ZFAND3: variants seen among roughly 807,000 people sequenced by gnomAD.
The protein encoded by ZFAND3 is AN1-type zinc finger protein 3.
Under a neutral mutation model 29.6 loss-of-function variants are expected in ZFAND3, and 10 were observed. The ratio of observed to expected loss-of-function variants is 0.34; its 90% CI spans 0.21 to 0.57. The LOEUF (loss-of-function observed/expected upper bound fraction) is 0.57, where lower values mean the gene tolerates loss of function less well. ZFAND3 is among the 20% of genes least tolerant of loss of function. ZFAND3 has a pLI of 0.86. For synonymous variants in ZFAND3, 128 were observed against 112.6 expected, an observed-to-expected ratio of 1.14 and a Z score of -0.87; for missense variants, 230 against 304.5, an observed-to-expected ratio of 0.76 and a Z score of 1.82.
At chr6:38,109,900 C>G (rs1010500923) in intron 4 of ZFAND3, among the ~76,000 whole-genome samples, 2 of 152,044 alleles carry the variant, frequency 1.3e-5, no homozygotes, top group Non-Finnish European at 2.9e-5. Context: ...ATTTCTGATG[C>G]CGTATGTTTT....
intron 4 of ZFAND3, among the ~76,000 whole-genome samples, chr6:38,087,266 G>A (rs1764775496): frequency 6.6e-6 from 1 of 152,134 alleles, no homozygotes; most frequent in Admixed American, 6.5e-5. Context: ...AAATATCCAG[G>A]ACATTGGTCT....
At chr6:37,839,654 A>G (rs904009626) in intron 1 of ZFAND3, among the ~76,000 whole-genome samples, 1 of 151,682 alleles carries the variant, frequency 6.6e-6, no homozygotes, top group Non-Finnish European at 1.5e-5. Flanking sequence ...AGCTGGGACT[A>G]CAGGCGTGTG....
intron 2 of ZFAND3, among the ~76,000 whole-genome samples, chr6:38,056,490 GA>G (rs993981379): frequency 1.3e-5 from 2 of 152,186 alleles, no homozygotes; most frequent in African/African-American, 4.8e-5. Flanking sequence ...TTGTACATCT[GA>G]AAGATAAACA....
At chr6:38,108,011 G>A (rs1437241117) in intron 4 of ZFAND3, among the ~76,000 whole-genome samples, 1 of 151,884 alleles carries the variant, frequency 6.6e-6, no homozygotes, top group Non-Finnish European at 1.5e-5. Context: ...AAGAGATTTA[G>A]ACATAAGAGC....
chr6:37,968,309 T>C (rs530161823), intron 2 of ZFAND3, among the ~76,000 whole-genome samples: 43 of 151,762 alleles, frequency 2.8e-4, no homozygotes, highest in Admixed American at 3.9e-4. Context: ...TTTATTGAAA[T>C]TATTAATTGG....
intron 1 of ZFAND3, chr6:37,915,602 A>G (rs1761232971): frequency 6.6e-6 from 1 of 152,190 alleles, no homozygotes; most frequent in South Asian, 2.1e-4. Context: ...ATCAGAACAC[A>G]CATAACATTT....
In ZFAND3 at chr6:37,819,889, C is replaced by T. The variant is rs1763626567; in HGVS notation, c.-57C>T. ...CCGCCACCGCCTCCTCAGAGCGGGGCCCGGGCCCAGCCGCCGCCACCGCTG... is the reference window on the plus strand; with the variant it reads ...CCGCCACCGCCTCCTCAGAGCGGGGTCCGGGCCCAGCCGCCGCCACCGCTG... On this transcript the variant is annotated 5_prime_UTR_variant, in exon 1 of 6. Coordinates refer to ENST00000287218, the MANE Select transcript of ZFAND3 (RefSeq NM_021943.3). The T allele has an allele frequency of 7.1e-6, 8 of 1,133,874 alleles. No homozygotes were observed. The highest frequency in any genetic ancestry group is 8.3e-5 in the South Asian group (2 of 24,162). The allele number at this position is 1,133,874 out of a possible 1,614,324, so 70.2% of individuals were successfully genotyped here.
At chr6:38,056,087 C>T (rs1427936996) in intron 2 of ZFAND3, among the ~76,000 whole-genome samples, 5 of 152,146 alleles carry the variant, frequency 3.3e-5, no homozygotes, top group African/African-American at 1.2e-4. Context: ...TAAAAATGTA[C>T]GTCCTCTCTT....
chr6:37,872,838 C>A (rs183540137), intron 1 of ZFAND3, among the ~76,000 whole-genome samples: 125 of 152,342 alleles, frequency 8.2e-4, no homozygotes, highest in African/African-American at 2.8e-3. Flanking sequence ...CTTAAACATT[C>A]TTTTACGTGT....
chr6:37,974,445 TTC>T, intron 2 of ZFAND3, among the ~76,000 whole-genome samples: 1 of 148,320 alleles, frequency 6.7e-6, no homozygotes. Flanking sequence ...AGCTGTGTTG[TTC>T]AGGCTGGAGG....
Position 37,821,673 on chromosome 6 carries a change from A to G in ZFAND3, c.71+1657A>G, listed in dbSNP as rs1763669699. On this transcript the variant is annotated intron_variant, in intron 1 of 5. Transcript: ENST00000287218. ...TAACTCATTGTAAGACATATGTCCTAAAGAAAGTCGCTGCCAGTGGCAGCT... is the reference window on the plus strand; with the variant it reads ...TAACTCATTGTAAGACATATGTCCTGAAGAAAGTCGCTGCCAGTGGCAGCT... 1.3e-5 allele frequency among the ~76,000 whole-genome samples: 2 copies of G among 152,312 alleles called. 1 individual carries two copies. Among genetic ancestry groups the G allele is most frequent in the South Asian group, 4.1e-4 (2 of 4,832 alleles).
chr6:38,143,306 A>G (rs1276109360), intron 5 of ZFAND3: 1 of 152,258 alleles, frequency 6.6e-6, no homozygotes, highest in African/African-American at 2.4e-5. Flanking sequence ...CATGTGTACA[A>G]ACTGCATGGG....
rs563087720 is a variant in ZFAND3, at chr6:38,087,965, T to G, written c.361+5508T>G. 2.7e-4 allele frequency among the ~76,000 whole-genome samples: 41 copies of G among 152,368 alleles called. No homozygotes were observed. In the South Asian group the frequency reaches 8.3e-3, roughly 31 times the overall value. The stretch of plus-strand genomic sequence containing the variant: ...CCTTGCTGTTAGGTTACTGGAAGTT[T>G]ATATGATATTTTAAAAATTGATTCA... On this transcript the variant is annotated intron_variant, in intron 4 of 5. Transcript: ENST00000287218.
chr6:37,937,693 G>GCT (rs1342632997), intron 2 of ZFAND3, among the ~76,000 whole-genome samples: 1 of 148,564 alleles, frequency 6.7e-6, no homozygotes, highest in Non-Finnish European at 1.5e-5. Flanking sequence ...AGTAACTGCT[G>GCT]CTCTTAAGAC....
intron 4 of ZFAND3, among the ~76,000 whole-genome samples, chr6:38,107,849 A>G (rs1460576609): frequency 6.6e-6 from 1 of 152,024 alleles, no homozygotes; most frequent in African/African-American, 2.4e-5. Context: ...ACAGGATACC[A>G]TTGATTGCTT....
At chr6:38,096,716 C>T (rs1764987961) in intron 4 of ZFAND3, among the ~76,000 whole-genome samples, 1 of 152,024 alleles carries the variant, frequency 6.6e-6, no homozygotes, top group Admixed American at 6.6e-5. Context: ...TAATCTTTCT[C>T]TAATTCTTTT....
At chr6:37,846,531 C>T (rs1381591115) in intron 1 of ZFAND3, among the ~76,000 whole-genome samples, 1 of 152,182 alleles carries the variant, frequency 6.6e-6, no homozygotes, top group African/African-American at 2.4e-5. Context: ...TATACAGACC[C>T]TTTCACATAA....
At chr6:38,097,736 A>G (rs1475249014) in intron 4 of ZFAND3, among the ~76,000 whole-genome samples, 1 of 152,242 alleles carries the variant, frequency 6.6e-6, no homozygotes, top group African/African-American at 2.4e-5. Context: ...AGATGTAGAC[A>G]GATGGTACCT....
chr6:38,006,119 G>A (rs963020597), intron 2 of ZFAND3, among the ~76,000 whole-genome samples: 1 of 152,168 alleles, frequency 6.6e-6, no homozygotes, highest in Non-Finnish European at 1.5e-5. Flanking sequence ...TGTAGTTACA[G>A]CTTCTGCATG....
Sources: gnomAD v4.1 joint callset for allele counts (sites outside exome capture counted in the v4.1 genomes callset) on GRCh38, gnomAD v4.1.1 for gene constraint, MANE v1.5 for transcripts, NCBI Gene and HGNC (gene_info 2026-07-23, HGNC 2026-07-21) for gene names.